Variants in SLC26A7 observed in about 807,000 individuals in gnomAD.
SLC26A7 encodes the protein anion exchange transporter.
Under a neutral mutation model 82.5 loss-of-function variants are expected in SLC26A7, and 59 were observed. The ratio of observed to expected loss-of-function variants is 0.72; its 90% CI spans 0.58 to 0.89. The LOEUF is 0.89. SLC26A7 is among the 40% of genes least tolerant of loss of function. SLC26A7 has a pLI of 0.00. For missense variants in SLC26A7, 820 were observed against 793.0 expected, an observed-to-expected ratio of 1.03 and a Z score of -0.41; for synonymous variants, 271 against 274.3, an observed-to-expected ratio of 0.99 and a Z score of 0.12.
At chr8:91,233,489 C>T (rs551702648) in intron 2 of SLC26A7, among the ~76,000 whole-genome samples, 1 of 152,016 alleles carries the variant, frequency 6.6e-6, no homozygotes, top group South Asian at 2.1e-4. Flanking sequence ...ATCACTTGAA[C>T]CTGGGAGGCG....
At chr8:91,316,100 G>A (rs1410536392) in intron 4 of SLC26A7, among the ~76,000 whole-genome samples, 1 of 152,052 alleles carries the variant, frequency 6.6e-6, no homozygotes, top group South Asian at 2.1e-4. Flanking sequence ...TTTGGCCAAG[G>A]GGTTATTGTA....
chr8:91,306,246 C>T (rs943425357), intron 4 of SLC26A7, among the ~76,000 whole-genome samples: 1 of 152,150 alleles, frequency 6.6e-6, no homozygotes, highest in South Asian at 2.1e-4. Context: ...CAGCAATACT[C>T]CCTTTTCCCT....
In SLC26A7 at chr8:91,234,886, TTC is replaced by T. The variant is rs368880426; in HGVS notation, c.-33-14713_-33-14712del. The stretch of plus-strand genomic sequence containing the variant: ...TTCCTTCCCTTCTTCCCTCCTTCCT[TTC>T]TCTCTCTCTCTCTCTCTCTGTTTCT... On this transcript the variant is annotated intron_variant, in intron 2 of 5. Transcript: ENST00000522862. 3.9e-3 allele frequency among the ~76,000 whole-genome samples: 559 copies of T among 143,702 alleles called. 2 individuals are homozygous for T. Among genetic ancestry groups the T allele is most frequent in the African/African-American group, 0.012 (449 of 38,920 alleles). 94.3% of individuals were successfully genotyped at this position (143,702 alleles called of 152,430 possible).
chr8:91,218,886 T>C, intron 1 of SLC26A7: 2 of 1,526,290 alleles, frequency 1.3e-6, no homozygotes, highest in Non-Finnish European at 1.8e-6. Context: ...TCTTTACTTT[T>C]TAGGACTGGA....
At chr8:91,214,386 A>G (rs1443918489) in intron 1 of SLC26A7, among the ~76,000 whole-genome samples, 2 of 152,172 alleles carry the variant, frequency 1.3e-5, no homozygotes, top group African/African-American at 2.4e-5. Flanking sequence ...AAAGAAATAT[A>G]CTTCTTCAGT....
At chr8:91,287,353 G>A (rs567422486) in intron 2 of SLC26A7, among the ~76,000 whole-genome samples, 77 of 152,224 alleles carry the variant, frequency 5.1e-4, no homozygotes, top group African/African-American at 1.8e-3. Context: ...TTGTAATAAG[G>A]CAGACAGATA....
intron 16 of SLC26A7, among the ~76,000 whole-genome samples, chr8:91,392,242 A>G (rs1392015377): frequency 6.6e-6 from 1 of 151,968 alleles, no homozygotes; most frequent in Non-Finnish European, 1.5e-5. Context: ...TCTTTATTTC[A>G]TTATGGTTAC....
At chr8:91,303,394 C>G (rs1812220286) in intron 4 of SLC26A7, among the ~76,000 whole-genome samples, 1 of 152,284 alleles carries the variant, frequency 6.6e-6, no homozygotes, top group African/African-American at 2.4e-5. Context: ...CCAAGCTCTA[C>G]TTTTCTGAAG....
chr8:91,393,650 C>T, intron 16 of SLC26A7, 147 bp from the exon 17 acceptor site: 3 of 777,008 alleles, frequency 3.9e-6, no homozygotes, highest in East Asian at 2.6e-5. Flanking sequence ...CCAGATTATG[C>T]CTGACTGTGT....
At chr8:91,393,910 CTT>C in intron 17 of SLC26A7, 24 bp from the exon 18 acceptor site, 1 of 1,611,692 alleles carries the variant, frequency 6.2e-7, no homozygotes, top group Non-Finnish European at 8.5e-7. Flanking sequence ...CACATGTATT[CTT>C]ATATCACTTG....
At chr8:91,328,176 G>A (rs765567933) in intron 5 of SLC26A7, among the ~76,000 whole-genome samples, 12 of 151,930 alleles carry the variant, frequency 7.9e-5, no homozygotes, top group Non-Finnish European at 1.6e-4. Context: ...GATAAACTTT[G>A]GATTTTTCTT....
chr8:91,236,521 C>A (rs1810395029), intron 2 of SLC26A7, among the ~76,000 whole-genome samples: 1 of 151,938 alleles, frequency 6.6e-6, no homozygotes, highest in East Asian at 1.9e-4. Flanking sequence ...GAAAATATTA[C>A]CATCAACATT....
At chr8:91,281,813 A>G (rs902776511) in intron 2 of SLC26A7, among the ~76,000 whole-genome samples, 1 of 152,116 alleles carries the variant, frequency 6.6e-6, no homozygotes, top group African/African-American at 2.4e-5. Context: ...TGGCCTAACT[A>G]GAGACTGCAT....
At chr8:91,242,625 C>A (rs1160668529) in intron 2 of SLC26A7, among the ~76,000 whole-genome samples, 1 of 152,126 alleles carries the variant, frequency 6.6e-6, no homozygotes, top group Non-Finnish European at 1.5e-5. Context: ...AGAGAGCTTT[C>A]TTCCTGTTTC....
intron 14 of SLC26A7, 44 bp from the exon 15 acceptor site, chr8:91,369,741 A>G: frequency 7.1e-7 from 1 of 1,416,628 alleles, no homozygotes; most frequent in Non-Finnish European, 9.5e-7. Flanking sequence ...GACAGAAGTA[A>G]AATTTTATAA....
At chr8:91,234,152 GT>G (rs1338234787) in intron 2 of SLC26A7, among the ~76,000 whole-genome samples, 1 of 152,066 alleles carries the variant, frequency 6.6e-6, no homozygotes, top group African/African-American at 2.4e-5. Context: ...TCTGGTATCT[GT>G]TTTTTTCATG....
intron 2 of SLC26A7, among the ~76,000 whole-genome samples, chr8:91,284,440 G>A (rs1811657012): frequency 6.6e-6 from 1 of 152,178 alleles, no homozygotes; most frequent in South Asian, 2.1e-4. Context: ...CAATTAAATT[G>A]TGTTTCTTTT....
Position 91,395,074 on chromosome 8 carries a change from C to T in SLC26A7, c.1948C>T (p.Leu650Phe). The T allele has an allele frequency of 6.2e-7, 1 of 1,613,408 alleles. No individual in the cohort carries two copies. Among genetic ancestry groups the T allele is most frequent in the Non-Finnish European group, 8.5e-7 (1 of 1,179,388 alleles). The change falls in exon 19 of 19, where the codon CTC becomes TTC. Residue 650 changes from leucine (L) to phenylalanine (F), a missense_variant. Leu to Phe is a conservative substitution (Grantham distance 22). Transcript: ENST00000276609. ...TCTGGTATTTCAGAATTTGAGCAAACTCAGTGACCACAGTGAAGTCTGAGA... is the reference window on the plus strand; with the variant it reads ...TCTGGTATTTCAGAATTTGAGCAAATTCAGTGACCACAGTGAAGTCTGAGA... ...HIHSNKNLSK[L>F]SDHSEV
intron 14 of SLC26A7, among the ~76,000 whole-genome samples, chr8:91,367,547 GT>G (rs1183655683): frequency 6.8e-6 from 1 of 147,348 alleles, no homozygotes; most frequent in Non-Finnish European, 1.5e-5. Flanking sequence ...TTAAGCCTCT[GT>G]AATGTTAGGA....
Sources: gnomAD v4.1 joint callset for allele counts (sites outside exome capture counted in the v4.1 genomes callset) on GRCh38, gnomAD v4.1.1 for gene constraint, MANE v1.5 for transcripts, NCBI Gene and HGNC (gene_info 2026-07-23, HGNC 2026-07-21) for gene names.